KIF13B: variants seen among roughly 807,000 people sequenced by gnomAD.
KIF13B encodes kinesin family member 13B, also known as kinesin-like protein KIF13B.
Under a neutral mutation model 222.0 loss-of-function variants are expected in KIF13B, and 127 were observed. The ratio of observed to expected loss-of-function variants is 0.57; its 90% CI spans 0.50 to 0.66. The LOEUF (loss-of-function observed/expected upper bound fraction) is 0.66, where lower values mean the gene tolerates loss of function less well. Ranked by LOEUF, KIF13B falls within the 30% of genes least tolerant of loss-of-function variation. The probability of loss-of-function intolerance (pLI) is 0.00; values close to 1 mark genes in which losing one functional copy is unlikely to be tolerated. For missense variants in KIF13B, 2,173 were observed against 2,379.0 expected, an observed-to-expected ratio of 0.91 and a Z score of 1.80; for synonymous variants, 976 against 919.0, an observed-to-expected ratio of 1.06 and a Z score of -1.12.
chr8:29,138,910 T>C (rs1489989268), intron 21 of KIF13B, among the ~76,000 whole-genome samples: 1 of 152,132 alleles, frequency 6.6e-6, no homozygotes, highest in Non-Finnish European at 1.5e-5. Context: ...TATTAAGAAA[T>C]TATTAATTTT....
Position 29,165,660 on chromosome 8 carries a change from A to G in KIF13B, c.1269+2T>C, listed in dbSNP as rs977937006. On this transcript the variant is annotated splice_donor_variant, in intron 12 of 39. Coordinates refer to ENST00000524189, the MANE Select transcript of KIF13B (RefSeq NM_015254.4). LOFTEE classifies it high-confidence loss of function. Reference sequence around the variant, plus strand: ...TGCGCTTCATCATCAGGAAACACGAACCTGTGCAATCTCCTCCGTTTTCCT... The same window carrying G: ...TGCGCTTCATCATCAGGAAACACGAGCCTGTGCAATCTCCTCCGTTTTCCT... 1 of 1,588,908 alleles carries G rather than the reference A, an allele frequency of 6.3e-7. No homozygotes were observed. The highest frequency in any genetic ancestry group is 1.7e-5 in the Admixed American group (1 of 59,918).
At chr8:29,132,229 G>T in intron 23 of KIF13B, 79 bp downstream of exon 23, 2 of 1,111,750 alleles carry the variant, frequency 1.8e-6, no homozygotes, top group Non-Finnish European at 2.4e-6. Context: ...CTGGGTGACA[G>T]AGTGAATGAG....
At chr8:29,232,309 T>C (rs1400516194) in intron 2 of KIF13B, among the ~76,000 whole-genome samples, 1 of 149,408 alleles carries the variant, frequency 6.7e-6, no homozygotes, top group African/African-American at 2.5e-5. Context: ...AAAAATAAAA[T>C]ATATATAGGC....
intron 31 of KIF13B, among the ~76,000 whole-genome samples, chr8:29,114,334 CT>C (rs1387574411): frequency 3.9e-5 from 6 of 152,172 alleles, no homozygotes; most frequent in Non-Finnish European, 8.8e-5. Flanking sequence ...ACAAACCTAC[CT>C]AATGATGATT....
intron 1 of KIF13B, among the ~76,000 whole-genome samples, chr8:29,251,052 A>T (rs1816260297): frequency 6.6e-6 from 1 of 152,016 alleles, no homozygotes; most frequent in African/African-American, 2.4e-5. Flanking sequence ...TCGGGAGGCC[A>T]AGGCGGAAGA....
intron 2 of KIF13B, among the ~76,000 whole-genome samples, chr8:29,229,803 T>G (rs1815203926): frequency 6.6e-6 from 1 of 152,202 alleles, no homozygotes; most frequent in South Asian, 2.1e-4. Context: ...TACACTTAGA[T>G]CTACAGCTTA....
intron 37 of KIF13B, among the ~76,000 whole-genome samples, chr8:29,086,865 A>C (rs1211562673): frequency 2.6e-5 from 4 of 152,222 alleles, no homozygotes. Flanking sequence ...TTTTACAATC[A>C]TTTAATGGTC....
chr8:29,107,535 A>G (rs1483639980), intron 35 of KIF13B, among the ~76,000 whole-genome samples: 2 of 150,086 alleles, frequency 1.3e-5, no homozygotes, highest in African/African-American at 2.4e-5. Context: ...TCACACACAC[A>G]CACACACAAA....
intron 14 of KIF13B, among the ~76,000 whole-genome samples, chr8:29,154,445 A>G (rs1329524383): frequency 6.6e-6 from 1 of 152,108 alleles, no homozygotes; most frequent in Non-Finnish European, 1.5e-5. Context: ...AAACTGTTGT[A>G]AGATTTTGGC....
chr8:29,101,294 G>A (rs550234307), intron 35 of KIF13B, among the ~76,000 whole-genome samples: 1 of 152,256 alleles, frequency 6.6e-6, no homozygotes, highest in South Asian at 2.1e-4. Flanking sequence ...GTGTACAGTG[G>A]CGAGCTCACA....
At chr8:29,074,633 G>C (rs968791782) in intron 38 of KIF13B, among the ~76,000 whole-genome samples, 1 of 152,244 alleles carries the variant, frequency 6.6e-6, no homozygotes, top group Non-Finnish European at 1.5e-5. Flanking sequence ...TCCCAGGGGA[G>C]GGGGCACCCC....
intron 36 of KIF13B, among the ~76,000 whole-genome samples, chr8:29,094,970 T>TA (rs34939158): frequency 0.46 from 63,893 of 137,640 alleles, 15,326 homozygotes; most frequent in Non-Finnish European, 0.57. Context: ...ATAAAAAGAT[T>TA]AAAAAAAAAA....
intron 21 of KIF13B, among the ~76,000 whole-genome samples, chr8:29,139,755 C>G (rs1036210118): frequency 6.6e-6 from 1 of 151,282 alleles, no homozygotes; most frequent in Non-Finnish European, 1.5e-5. Context: ...CGCTGACTTC[C>G]TGTCCCCCAG....
At chr8:29,077,667 C>T (rs138000474) in intron 37 of KIF13B, among the ~76,000 whole-genome samples, 1 of 152,320 alleles carries the variant, frequency 6.6e-6, no homozygotes, top group Admixed American at 6.5e-5. Context: ...TGAAATAGAA[C>T]ATGCAAACAA....
intron 3 of KIF13B, among the ~76,000 whole-genome samples, chr8:29,192,952 G>A (rs898063834): frequency 2.6e-5 from 4 of 152,162 alleles, no homozygotes; most frequent in African/African-American, 7.2e-5. Context: ...GAGAGCACAG[G>A]CTGCAAAGCC....
At chr8:29,149,477 C>A (rs1468377568) in intron 15 of KIF13B, among the ~76,000 whole-genome samples, 1 of 152,202 alleles carries the variant, frequency 6.6e-6, no homozygotes, top group African/African-American at 2.4e-5. Context: ...CCTGCCTTGT[C>A]AACACAACAT....
intron 2 of KIF13B, among the ~76,000 whole-genome samples, chr8:29,232,754 G>A (rs1386414006): frequency 6.6e-6 from 1 of 152,128 alleles, no homozygotes; most frequent in Non-Finnish European, 1.5e-5. Context: ...ATCCATCATA[G>A]ATACTTGTTT....
chr8:29,249,142 G>A (rs1816169169), intron 1 of KIF13B, among the ~76,000 whole-genome samples: 1 of 152,190 alleles, frequency 6.6e-6, no homozygotes, highest in Middle Eastern at 3.4e-3. Context: ...TAAAAGATAA[G>A]CTCTGCCGGG....
At chr8:29,256,714 G>C (rs1210813298) in intron 1 of KIF13B, among the ~76,000 whole-genome samples, 1 of 152,070 alleles carries the variant, frequency 6.6e-6, no homozygotes, top group Admixed American at 6.6e-5. Context: ...ACCTCTCTGA[G>C]GTTCTGCTAC....
Sources: gnomAD v4.1 joint callset for allele counts (sites outside exome capture counted in the v4.1 genomes callset) on GRCh38, gnomAD v4.1.1 for gene constraint, MANE v1.5 for transcripts, NCBI Gene and HGNC (gene_info 2026-07-23, HGNC 2026-07-21) for gene names.